The following VRK3 variants were observed in gnomAD, a reference collection of about 807,000 sequenced individuals.
The protein encoded by VRK3 is serine/threonine-protein kinase VRK3.
In VRK3, 50 loss-of-function variants were observed where a neutral mutation model predicts 60.4. The observed-to-expected ratio is 0.83, with a 90% CI of 0.66 to 1.05. The LOEUF (loss-of-function observed/expected upper bound fraction) is 1.05, where lower values mean the gene tolerates loss of function less well. Ranked by LOEUF, VRK3 falls within the 50% of genes least tolerant of loss-of-function variation. VRK3 has a pLI of 0.00. For missense variants in VRK3, 549 were observed against 585.3 expected (o/e 0.94, Z 0.64); for synonymous variants, 246 against 227.8 (o/e 1.08, Z -0.72).
In VRK3 at chr19:50,009,318, G is replaced by A. The variant is rs749165673; in HGVS notation, c.207C>T (p.Val69=). 1 of 1,614,162 alleles carries A rather than the reference G, an allele frequency of 6.2e-7. No individual in the cohort carries two copies. Among genetic ancestry groups the A allele is most frequent in the South Asian group, 1.1e-5 (1 of 91,078 alleles). The change falls in exon 4 of 15, where the codon GTC becomes GTT. Residue 69 remains valine (V), a synonymous_variant. Coordinates refer to ENST00000316763, the MANE Select transcript of VRK3 (RefSeq NM_016440.4). The part of the protein sequence containing the change: ...SPKKVKWSST[V]TSPRLSLFSD... ...AGAAGAGGGATAATCGGGGAGAGGT[G>A]ACGGTGCTGGACCATTTCACTTTCT...
At chr19:50,007,271 G>A (rs1422182113) in intron 5 of VRK3, among the ~76,000 whole-genome samples, 2 of 152,044 alleles carry the variant, frequency 1.3e-5, no homozygotes, top group African/African-American at 4.8e-5. Flanking sequence ...GCACTCCCAC[G>A]TGACAATAGC....
intron 10 of VRK3, among the ~76,000 whole-genome samples, chr19:49,991,766 A>C (rs1600671293): frequency 6.6e-6 from 1 of 152,214 alleles, no homozygotes; most frequent in Non-Finnish European, 1.5e-5. Context: ...TGAGGAGTCC[A>C]GAGATGGGAG....
intron 2 of VRK3, among the ~76,000 whole-genome samples, chr19:50,017,106 G>C (rs1286146249): frequency 6.6e-6 from 1 of 151,560 alleles, no homozygotes; most frequent in Non-Finnish European, 1.5e-5. Flanking sequence ...AGGCAGGAAA[G>C]TTGCTTGAAC....
At chr19:49,981,850 A>C (rs2076428418) in intron 12 of VRK3, 1 of 1,194,886 alleles carries the variant, frequency 8.4e-7, no homozygotes, top group African/African-American at 1.6e-5. Flanking sequence ...GTGAGGGGCC[A>C]ATGGGCGGTA....
chr19:49,980,333 C>T (rs2076401572), intron 13 of VRK3, among the ~76,000 whole-genome samples: 1 of 152,076 alleles, frequency 6.6e-6, no homozygotes, highest in African/African-American at 2.4e-5. Flanking sequence ...TGTGGTGCAT[C>T]TATAAGGAAG....
intron 2 of VRK3, among the ~76,000 whole-genome samples, chr19:50,017,289 T>C (rs1053391661): frequency 6.8e-6 from 1 of 147,692 alleles, no homozygotes; most frequent in African/African-American, 2.5e-5. Context: ...AAAGTGAAAC[T>C]ATTGGCCGGG....
At chr19:50,014,927 G>A (rs1406323844) in intron 3 of VRK3, among the ~76,000 whole-genome samples, 2 of 152,176 alleles carry the variant, frequency 1.3e-5, no homozygotes, top group South Asian at 2.1e-4. Flanking sequence ...GCATAAGAGA[G>A]GTGAGGACCA....
rs115416522 is a variant in VRK3 at position 49,981,867 on chromosome 19, C to T, written c.1218-854G>A. 4.4e-3 allele frequency: 5,268 copies of T among 1,197,430 alleles called. 179 individuals carry two copies. The African/African-American group carries it at 0.073, about 17-fold the overall frequency. 74.2% of individuals were successfully genotyped at this position (1,197,430 alleles called of 1,614,324 possible). A position where few individuals can be genotyped will look rare whatever the true frequency, so the allele number is the denominator to read the frequency against. On this transcript the variant is annotated intron_variant, in intron 12 of 14. Coordinates refer to ENST00000316763, the MANE Select transcript of VRK3 (RefSeq NM_016440.4). Reference sequence around the variant, plus strand: ...GAGGGGCCAATGGGCGGTATCCAAACATTTTGAGGAGATTTTAACTGGTAG... The same window carrying T: ...GAGGGGCCAATGGGCGGTATCCAAATATTTTGAGGAGATTTTAACTGGTAG...
chr19:49,978,895 T>A, intron 14 of VRK3, 188 bp downstream of exon 14: 1 of 494,248 alleles, frequency 2.0e-6, no homozygotes, highest in Non-Finnish European at 3.4e-6. Context: ...TTGAGCCGGG[T>A]TTCTGCTACT....
chr19:50,001,167 A>G, intron 5 of VRK3: 1 of 282,734 alleles, frequency 3.5e-6, no homozygotes, highest in South Asian at 5.8e-5. Context: ...CGCTGAGCCT[A>G]AACTGCTTGT....
At chr19:49,984,624 C>G (rs187404968) in intron 12 of VRK3, among the ~76,000 whole-genome samples, 1 of 152,094 alleles carries the variant, frequency 6.6e-6, no homozygotes, top group African/African-American at 2.4e-5. Context: ...CATTCCACTA[C>G]GATTTTTCTT....
At chr19:49,985,847 C>T (rs1384089897) in intron 12 of VRK3, among the ~76,000 whole-genome samples, 1 of 152,172 alleles carries the variant, frequency 6.6e-6, no homozygotes, top group Non-Finnish European at 1.5e-5. Context: ...TGGGAAGCAG[C>T]ACGTAGGTGA....
At chr19:50,021,778 G>A (rs1036490376) in intron 1 of VRK3, among the ~76,000 whole-genome samples, 1 of 152,240 alleles carries the variant, frequency 6.6e-6, no homozygotes, top group Admixed American at 6.5e-5. Context: ...TGCACAGAGA[G>A]GTCAAGTCAC....
intron 9 of VRK3, among the ~76,000 whole-genome samples, chr19:49,993,539 C>T (rs1012228870): frequency 1.3e-5 from 2 of 152,128 alleles, no homozygotes; most frequent in African/African-American, 4.8e-5. Context: ...GCTGGGACTA[C>T]AGGTGGGTGC....
At chr19:50,012,061 T>C (rs565044615) in intron 3 of VRK3, among the ~76,000 whole-genome samples, 14 of 151,862 alleles carry the variant, frequency 9.2e-5, no homozygotes, top group African/African-American at 3.4e-4. Flanking sequence ...AACCTCTCCC[T>C]TCCGGGTTCA....
chr19:49,988,339 A>G, intron 12 of VRK3, 33 bp downstream of exon 12: 2 of 1,581,022 alleles, frequency 1.3e-6, no homozygotes, highest in African/African-American at 3.5e-5. Context: ...TCTGCTGACC[A>G]CCTGCAGGGG....
chr19:50,014,180 T>A (rs1272588960), intron 3 of VRK3, among the ~76,000 whole-genome samples: 1 of 151,988 alleles, frequency 6.6e-6, no homozygotes, highest in East Asian at 1.9e-4. Flanking sequence ...GGCACAAGAA[T>A]CACTTGAACT....
At chr19:50,019,884 TTTTA>T (rs1402396129) in intron 2 of VRK3, among the ~76,000 whole-genome samples, 1 of 150,936 alleles carries the variant, frequency 6.6e-6, no homozygotes. Context: ...TCTGTGATGG[TTTTA>T]TTTATTTTGA....
At chr19:49,986,566 CAT>C (rs1352426630) in intron 12 of VRK3, 4 of 152,740 alleles carry the variant, frequency 2.6e-5, no homozygotes, top group African/African-American at 4.8e-5. Flanking sequence ...CATCAGAACA[CAT>C]GTTAAGTGTG....
Sources: gnomAD v4.1 joint callset for allele counts (sites outside exome capture counted in the v4.1 genomes callset) on GRCh38, gnomAD v4.1.1 for gene constraint, MANE v1.5 for transcripts, NCBI Gene and HGNC (gene_info 2026-07-23, HGNC 2026-07-21) for gene names.